CTIF: variants seen among roughly 807,000 people sequenced by gnomAD.
CTIF encodes cap binding complex dependent translation initiation factor.
In CTIF, 21 loss-of-function variants were observed where a neutral mutation model predicts 66.0. The ratio of observed to expected loss-of-function variants is 0.32; its 90% CI spans 0.23 to 0.46. The LOEUF (loss-of-function observed/expected upper bound fraction) is 0.46, where lower values mean the gene tolerates loss of function less well. Among genes scored for constraint, CTIF ranks in the 20% least tolerant of loss-of-function variants. The probability of loss-of-function intolerance (pLI) is 1.00; values close to 1 mark genes in which losing one functional copy is unlikely to be tolerated. For synonymous variants in CTIF, 345 were observed against 326.4 expected (o/e 1.06, Z -0.62); for missense variants, 739 against 812.7 (o/e 0.91, Z 1.10).
chr18:48,582,983 C>T (rs914827755), intron 1 of CTIF, among the ~76,000 whole-genome samples: 6 of 152,212 alleles, frequency 3.9e-5, no homozygotes, highest in African/African-American at 9.6e-5. Flanking sequence ...TAGAAATGGG[C>T]AGCTGAGGGT....
chr18:48,818,613 T>G (rs2068418824), intron 10 of CTIF, among the ~76,000 whole-genome samples: 2 of 151,972 alleles, frequency 1.3e-5, no homozygotes, highest in South Asian at 2.1e-4. Context: ...TGCTCAAAGC[T>G]GGGGACCAAA....
chr18:48,572,785 C>T (rs1419928305), intron 1 of CTIF, among the ~76,000 whole-genome samples: 2 of 151,894 alleles, frequency 1.3e-5, no homozygotes, highest in African/African-American at 4.8e-5. Flanking sequence ...CCCAGGAGTT[C>T]GAGACCAGCT....
chr18:48,737,716 G>A (rs1013269996), intron 7 of CTIF, among the ~76,000 whole-genome samples: 6 of 151,980 alleles, frequency 3.9e-5, no homozygotes, highest in African/African-American at 7.3e-5. Flanking sequence ...TTATATTAAC[G>A]ATAATGAATG....
chr18:48,619,393 C>T (rs941770511), intron 1 of CTIF, 145 bp from the exon 2 acceptor site: 17 of 528,830 alleles, frequency 3.2e-5, no homozygotes, highest in African/African-American at 9.7e-5. Flanking sequence ...GCCAGCCCCT[C>T]GCTGACTTCT....
intron 7 of CTIF, among the ~76,000 whole-genome samples, chr18:48,747,498 C>T (rs1907346277): frequency 6.6e-6 from 1 of 152,202 alleles, no homozygotes; most frequent in South Asian, 2.1e-4. Flanking sequence ...GTTCATTGTC[C>T]TAGGGAAGCT....
chr18:48,672,454 C>T (rs2091551416), intron 6 of CTIF, among the ~76,000 whole-genome samples: 1 of 152,180 alleles, frequency 6.6e-6, no homozygotes, highest in African/African-American at 2.4e-5. Flanking sequence ...CAAAAACATC[C>T]TCCTACTTCC....
At chr18:48,838,976 C>A (rs568470177) in intron 10 of CTIF, among the ~76,000 whole-genome samples, 6 of 152,322 alleles carry the variant, frequency 3.9e-5, no homozygotes, top group Admixed American at 2.0e-4. Context: ...AAGCCTGCAC[C>A]TCCTCCCGGA....
At chr18:48,640,619 G>T (rs1305178390) in intron 3 of CTIF, among the ~76,000 whole-genome samples, 1 of 152,220 alleles carries the variant, frequency 6.6e-6, no homozygotes, top group Non-Finnish European at 1.5e-5. Flanking sequence ...TGCTCCTCTT[G>T]ACTGCCCACG....
intron 3 of CTIF, among the ~76,000 whole-genome samples, chr18:48,640,591 GGT>G (rs1214288250): frequency 1.3e-5 from 2 of 152,204 alleles, no homozygotes; most frequent in African/African-American, 4.8e-5. Context: ...ATGGAGATGC[GGT>G]GGCTGGCTGC....
chr18:48,669,011 C>A (rs986150726), intron 5 of CTIF, among the ~76,000 whole-genome samples: 5 of 152,196 alleles, frequency 3.3e-5, no homozygotes, highest in Non-Finnish European at 5.9e-5. Flanking sequence ...CCACCCAGGC[C>A]TTTGCTGGTG....
At chr18:48,631,388 C>T (rs547233627) in intron 2 of CTIF, among the ~76,000 whole-genome samples, 1 of 151,686 alleles carries the variant, frequency 6.6e-6, no homozygotes, top group East Asian at 1.9e-4. Flanking sequence ...ATTGCTTGAG[C>T]CCCAGAGGGG....
In CTIF at chr18:48,646,861, T is replaced by C. The variant is rs188730121; in HGVS notation, c.252+10176T>C. Among the ~76,000 whole-genome samples, 29 of 127,306 alleles carry C rather than the reference T, an allele frequency of 2.3e-4. No individual in the cohort carries two copies. In the Admixed American group the frequency reaches 2.8e-3, roughly 12 times the overall value. The allele number at this position is 127,306 out of a possible 152,430, so 83.5% of individuals were successfully genotyped here. ...CACTCCTGCAGTAGGAGTAGGGATGTAGAATGGTATAGCCATTCTGGAAAA... is the reference window on the plus strand; with the variant it reads ...CACTCCTGCAGTAGGAGTAGGGATGCAGAATGGTATAGCCATTCTGGAAAA... On this transcript the variant is annotated intron_variant, in intron 3 of 11. Transcript: ENST00000256413.
chr18:48,617,415 C>T (rs1489990696), intron 1 of CTIF, among the ~76,000 whole-genome samples: 1 of 152,218 alleles, frequency 6.6e-6, no homozygotes, highest in Admixed American at 6.5e-5. Flanking sequence ...AATCCCTTCC[C>T]AAGGGTATCT....
At chr18:48,644,862 G>C (rs1220093987) in intron 3 of CTIF, among the ~76,000 whole-genome samples, 1 of 152,204 alleles carries the variant, frequency 6.6e-6, no homozygotes, top group Non-Finnish European at 1.5e-5. Flanking sequence ...CATTGCACCT[G>C]GGTTTAGGAG....
At chr18:48,596,755 C>T (rs1238536845) in intron 1 of CTIF, among the ~76,000 whole-genome samples, 2 of 152,280 alleles carry the variant, frequency 1.3e-5, no homozygotes, top group South Asian at 2.1e-4. Context: ...GGATTACAGG[C>T]GTGAGCCACC....
At chr18:48,685,465 C>A (rs902134221) in intron 6 of CTIF, among the ~76,000 whole-genome samples, 1 of 151,984 alleles carries the variant, frequency 6.6e-6, no homozygotes, top group Admixed American at 6.6e-5. Context: ...TCAGATGATC[C>A]GCCTGCCTCG....
chr18:48,811,837 T>C (rs1003431176), intron 9 of CTIF, among the ~76,000 whole-genome samples: 3 of 152,224 alleles, frequency 2.0e-5, no homozygotes, highest in Non-Finnish European at 4.4e-5. Context: ...TGCTCCCACC[T>C]CTTGTCAGTA....
At chr18:48,648,927 C>T (rs2091103504) in intron 3 of CTIF, among the ~76,000 whole-genome samples, 1 of 152,204 alleles carries the variant, frequency 6.6e-6, no homozygotes, top group African/African-American at 2.4e-5. Context: ...CAAGACCAGC[C>T]TGGCCAACAT....
intron 10 of CTIF, among the ~76,000 whole-genome samples, chr18:48,827,408 A>T (rs1229981262): frequency 6.6e-6 from 1 of 152,146 alleles, no homozygotes; most frequent in Non-Finnish European, 1.5e-5. Context: ...CGTGGGCAGG[A>T]GAGGGAAGGT....
Sources: allele counts gnomAD v4.1 joint callset (sites outside exome capture counted in the v4.1 genomes callset), GRCh38; gene constraint gnomAD v4.1.1; transcripts MANE v1.5; gene names NCBI Gene and HGNC (gene_info 2026-07-23, HGNC 2026-07-21).